FGGY: variants seen among roughly 807,000 people sequenced by gnomAD.
The protein encoded by FGGY is FGGY carbohydrate kinase domain containing.
A neutral mutation model predicts 71.3 loss-of-function variants in FGGY; 72 were observed. The observed-to-expected ratio is 1.01, with a 90% CI of 0.84 to 1.23. The LOEUF is 1.23. Ranked by LOEUF, FGGY falls within the 50% of genes most tolerant of loss-of-function variation. The pLI is 0.00. For missense variants in FGGY, 668 were observed against 682.3 expected (o/e 0.98, Z 0.23); for synonymous variants, 251 against 250.3 (o/e 1.00, Z -0.02).
chr1:59,473,294 C>G (rs2093076796), intron 6 of FGGY, among the ~76,000 whole-genome samples: 1 of 152,054 alleles, frequency 6.6e-6, no homozygotes. Context: ...CTGTAACACT[C>G]ACCGCGAAGG....
At chr1:59,368,978 T>A (rs1197646382) in intron 4 of FGGY, among the ~76,000 whole-genome samples, 2 of 151,978 alleles carry the variant, frequency 1.3e-5, no homozygotes, top group Non-Finnish European at 2.9e-5. Flanking sequence ...GCTCCCAGTG[T>A]GAGCAACGCA....
chr1:59,526,126 G>GTGTA (rs2094971134), intron 7 of FGGY, among the ~76,000 whole-genome samples: 1 of 152,190 alleles, frequency 6.6e-6, no homozygotes, highest in African/African-American at 2.4e-5. Context: ...ATGTTCATGA[G>GTGTA]TGTATATGCA....
intron 4 of FGGY, among the ~76,000 whole-genome samples, chr1:59,368,580 A>G (rs2056973160): frequency 6.6e-6 from 1 of 152,224 alleles, no homozygotes; most frequent in Non-Finnish European, 1.5e-5. Flanking sequence ...GACTTAGAGG[A>G]CGATCACTGT....
At chr1:59,597,956 C>A (rs139503914) in intron 8 of FGGY, among the ~76,000 whole-genome samples, 129 of 152,316 alleles carry the variant, frequency 8.5e-4, no homozygotes, top group African/African-American at 3.0e-3. Context: ...CACCTCACTA[C>A]GTGATGTCAG....
rs373093192 is a variant in FGGY, at chr1:59,370,597, A to G, written c.466-8152A>G. On this transcript the variant is annotated intron_variant, in intron 4 of 15. Transcript: ENST00000303721. ...CTCGAGAAGAGCAACTCCAAGACAC[A>G]TAATTGTCAGATTCACCAAAGTTGA... is the stretch of plus-strand genomic sequence containing the variant. Among the ~76,000 whole-genome samples, 4 of 152,072 alleles carry G rather than the reference A, an allele frequency of 2.6e-5. No homozygotes were observed. The East Asian group carries it at 7.7e-4, about 29-fold the overall frequency.
At chr1:59,633,610 G>A (rs6690357) in intron 10 of FGGY, among the ~76,000 whole-genome samples, 88,245 of 152,054 alleles carry the variant, frequency 0.58, 28,261 homozygotes, top group Middle Eastern at 0.77. Flanking sequence ...AATCAAGGTT[G>A]CATTGTAGAA....
intron 1 of FGGY, among the ~76,000 whole-genome samples, chr1:59,310,851 AG>A (rs1405640821): frequency 6.6e-6 from 1 of 152,248 alleles, no homozygotes; most frequent in Non-Finnish European, 1.5e-5. Context: ...AACTCTGCAG[AG>A]GAAGAAAGTT....
chr1:59,654,858 T>C (rs2097203695), intron 11 of FGGY, among the ~76,000 whole-genome samples: 1 of 152,126 alleles, frequency 6.6e-6, no homozygotes, highest in Non-Finnish European at 1.5e-5. Context: ...GTTGCAAGAT[T>C]TAAGGTGAAG....
chr1:59,745,116 AT>A (rs1401661627), intron 14 of FGGY, among the ~76,000 whole-genome samples: 1 of 151,990 alleles, frequency 6.6e-6, no homozygotes, highest in Non-Finnish European at 1.5e-5. Flanking sequence ...TTCAGATTCG[AT>A]GTCTTTGCTT....
At chr1:59,575,088 C>T (rs2096056643) in intron 8 of FGGY, among the ~76,000 whole-genome samples, 1 of 152,120 alleles carries the variant, frequency 6.6e-6, no homozygotes, top group Non-Finnish European at 1.5e-5. Context: ...TTGACATATT[C>T]ATTACCTCAC....
intron 7 of FGGY, among the ~76,000 whole-genome samples, chr1:59,540,891 A>G: frequency 6.6e-6 from 1 of 152,128 alleles, no homozygotes; most frequent in South Asian, 2.1e-4. Flanking sequence ...AACTCAACAC[A>G]CTTCCTGCCT....
At chr1:59,542,152 G>T (rs2095449288) in intron 7 of FGGY, among the ~76,000 whole-genome samples, 1 of 152,138 alleles carries the variant, frequency 6.6e-6, no homozygotes, top group Admixed American at 6.5e-5. Flanking sequence ...CCATACAGCG[G>T]GAATTACTTC....
intron 7 of FGGY, among the ~76,000 whole-genome samples, chr1:59,524,365 C>T (rs1570656186): frequency 6.6e-6 from 1 of 152,210 alleles, no homozygotes; most frequent in Non-Finnish European, 1.5e-5. Flanking sequence ...CAGACAGGCT[C>T]CTGGGCAGAA....
At chr1:59,595,322 A>T (rs554829103) in intron 8 of FGGY, among the ~76,000 whole-genome samples, 230 of 151,066 alleles carry the variant, frequency 1.5e-3, no homozygotes, top group African/African-American at 3.8e-3. Context: ...GCCTTTTTTT[A>T]AAAAAAAATG....
At chr1:59,467,826 T>C (rs147682332) in intron 6 of FGGY, among the ~76,000 whole-genome samples, 2 of 152,162 alleles carry the variant, frequency 1.3e-5, no homozygotes, top group African/African-American at 4.8e-5. Context: ...AGTTAATATA[T>C]GTTTGAATTA....
At chr1:59,343,874 G>A (rs2051217541) in intron 3 of FGGY, among the ~76,000 whole-genome samples, 2 of 152,118 alleles carry the variant, frequency 1.3e-5, no homozygotes, top group African/African-American at 2.4e-5. Context: ...CAGAAGTTTA[G>A]CAACAGGTAT....
intron 5 of FGGY, among the ~76,000 whole-genome samples, chr1:59,451,997 C>T (rs2072846388): frequency 6.6e-6 from 1 of 151,780 alleles, no homozygotes; most frequent in African/African-American, 2.4e-5. Context: ...AATCTGTGGG[C>T]TTAAATCTTA....
intron 9 of FGGY, among the ~76,000 whole-genome samples, chr1:59,622,927 G>C (rs2096824026): frequency 6.6e-6 from 1 of 152,076 alleles, no homozygotes; most frequent in Admixed American, 6.6e-5. Flanking sequence ...GCTGTATTTT[G>C]ATCAGCATTT....
chr1:59,341,732 G>C (rs1259132979), intron 3 of FGGY, among the ~76,000 whole-genome samples: 1 of 152,170 alleles, frequency 6.6e-6, no homozygotes, highest in African/African-American at 2.4e-5. Flanking sequence ...GCAAACCTCA[G>C]CTCTGCAGCA....
Sources: allele counts gnomAD v4.1 joint callset (sites outside exome capture counted in the v4.1 genomes callset), GRCh38; gene constraint gnomAD v4.1.1; transcripts MANE v1.5; gene names NCBI Gene and HGNC (gene_info 2026-07-23, HGNC 2026-07-21).